Variants in SLC6A8 observed in about 807,000 individuals in gnomAD.
The protein encoded by SLC6A8 is solute carrier family 6 member 8, also known as sodium- and chloride-dependent creatine transporter 1.
SLC6A8 carries 6 observed loss-of-function variants against 48.3 expected under a neutral mutation model. The ratio of observed to expected loss-of-function variants is 0.12; its 90% CI spans 0.07 to 0.25. SLC6A8 has a LOEUF of 0.25. Ranked by LOEUF, SLC6A8 falls within the 10% of genes least tolerant of loss-of-function variation. The pLI is 1.00. For missense variants in SLC6A8, 260 were observed against 551.5 expected, an observed-to-expected ratio of 0.47 and a Z score of 5.29; for synonymous variants, 245 against 244.0, an observed-to-expected ratio of 1.00 and a Z score of -0.04.
At chrX:153,689,683 G>T in intron 1 of SLC6A8, 1 of 248,451 alleles carries the variant, frequency 4.0e-6, no homozygotes, top group Non-Finnish European at 5.7e-6. Flanking sequence ...GGAGAAGGGG[G>T]TAGTGGCACC....
intron 2 of SLC6A8, 80 bp downstream of exon 2, chrX:153,690,586 A>G: frequency 9.5e-7 from 1 of 1,050,026 alleles, no homozygotes; most frequent in Non-Finnish European, 1.3e-6. Context: ...TCCTGTCGTG[A>G]GCACCAGGCC....
At chrX:153,690,110 G>A (rs1209254844) in intron 1 of SLC6A8, among the ~76,000 whole-genome samples, 4 of 113,110 alleles carry the variant, frequency 3.5e-5, no homozygotes, top group African/African-American at 9.6e-5. Context: ...CCAAGTGACC[G>A]TGGGGGTGGA....
At position 153,690,405 on chromosome X, in the gene SLC6A8, C is replaced by T; in HGVS notation, c.293C>T (p.Ala98Val). 2 of 1,200,778 alleles carry T rather than the reference C, an allele frequency of 1.7e-6. No homozygotes were observed. Among genetic ancestry groups the T allele is most frequent in the Non-Finnish European group, 2.2e-6 (2 of 889,257 alleles). Residue 98 changes from alanine (A) to valine (V), a missense_variant, in exon 2 of 13, where the codon GCC becomes GTC. This residue lies in a region of SLC6A8 where 24 missense variants were observed against 52.0 expected (regional missense o/e 0.46). Transcript: ENST00000253122. ...TTCCTTATTCCCTACGTCCTGATCG[C>T]CCTGGTTGGAGGAATCCCCATTTTC... ...GVFLIPYVLI[A>V]LVGGIPIFFL...
At chrX:153,690,276 G>C in intron 1 of SLC6A8, 99 bp from the exon 2 acceptor site, 3 of 947,447 alleles carry the variant, frequency 3.2e-6, no homozygotes, top group Non-Finnish European at 4.4e-6. Context: ...TCACCCAGTC[G>C]GAAGTTGTGA....
At position 153,691,447 on chromosome X, in the gene SLC6A8, G is replaced by A; in HGVS notation, c.538G>A (p.Asp180Asn). ...ATGTGGCCACACCTGGAACACTCCC[G>A]ACTGCGTGGAGATCTTCCGCCATGA... ...ATCGHTWNTP[D>N]CVEIFRHEDC... Residue 180 changes from aspartate to asparagine, a missense_variant, in exon 3 of 13, where the codon GAC becomes AAC. This residue lies in a region of SLC6A8 where 75 missense variants were observed against 248.8 expected (regional missense o/e 0.30). Transcript: ENST00000253122. The A allele has an allele frequency of 1.7e-6, 2 of 1,211,824 alleles. No individual in the cohort carries two copies. The highest frequency in any genetic ancestry group is 1.7e-5 in the African/African-American group (1 of 57,984).
Position 153,696,497 on chromosome X carries a change from G to C in SLC6A8, c.*1283G>C, listed in dbSNP as rs2091493221. 2 of 329,947 alleles carry C rather than the reference G, an allele frequency of 6.1e-6. No homozygotes were observed. Among genetic ancestry groups the C allele is most frequent in the Admixed American group, 3.1e-5 (1 of 32,127 alleles). 27.2% of individuals were successfully genotyped at this position (329,947 alleles called of 1,213,427 possible). A position where few individuals can be genotyped will look rare whatever the true frequency, so the allele number is the denominator to read the frequency against. ...ACACCCAGACAGAGGCTGCAGGGCT[G>C]GGGCTGGGTGAGGGTGGCGGGCCTG... On this transcript the variant is annotated 3_prime_UTR_variant, in exon 13 of 13. Transcript: ENST00000253122.
At chrX:153,690,893 C>CT (rs1230052286) in intron 2 of SLC6A8, 2 of 74,502 alleles carry the variant, frequency 2.7e-5, no homozygotes, top group African/African-American at 3.8e-4. Flanking sequence ...CGACTAGAAA[C>CT]CCCCCCCCCC....
chrX:153,694,516 G>A lies in SLC6A8; in HGVS notation c.1496-17G>A, dbSNP rs375265267. On this transcript the variant is annotated splice_polypyrimidine_tract_variant and intron_variant, in intron 10 of 12. Coordinates refer to ENST00000253122, the MANE Select transcript of SLC6A8 (RefSeq NM_005629.4). ...GGCAGGTCTCCAGCTTGGCCCTCCC[G>A]CCTCACCTCGCCGCAGGAGCTGACC... is the stretch of plus-strand genomic sequence containing the variant. 123 of 1,200,706 alleles carry A rather than the reference G, an allele frequency of 1.0e-4. No homozygotes were observed. Among genetic ancestry groups the A allele is most frequent in the Non-Finnish European group, 1.3e-4 (116 of 887,234 alleles).
chrX:153,695,009 G>A, intron 12 of SLC6A8, 65 bp from the exon 13 acceptor site: 1 of 1,161,271 alleles, frequency 8.6e-7, no homozygotes, highest in Middle Eastern at 2.9e-4. Flanking sequence ...GAGAGAGGCA[G>A]AGGAAGTCAC....
chrX:153,692,998 G>T, intron 4 of SLC6A8, 43 bp from the exon 5 acceptor site: 3 of 1,208,012 alleles, frequency 2.5e-6, no homozygotes, highest in Non-Finnish European at 2.2e-6. Context: ...GGGGTGTGAG[G>T]GAGGTGGTGC....
At chrX:153,690,162 G>T (rs1557044131) in intron 1 of SLC6A8, among the ~76,000 whole-genome samples, 1 of 112,742 alleles carries the variant, frequency 8.9e-6, no homozygotes, top group Admixed American at 9.3e-5. Flanking sequence ...CAGGGAATAG[G>T]GCTCCAATGG....
Position 153,693,888 on chromosome X carries a change from C to T in SLC6A8, c.1142-17C>T. ...GGACATCGGCTACAAGGTCTAGAGC[C>T]TGCACCTTTCCCACAGGGCCGGGCC... On this transcript the variant is annotated splice_polypyrimidine_tract_variant and intron_variant, in intron 7 of 12. Transcript: ENST00000253122. 8.9e-7 allele frequency: 1 copy of T among 1,127,472 alleles called. No individual in the cohort carries two copies. The highest frequency in any genetic ancestry group is 1.2e-6 in the Non-Finnish European group (1 of 837,570). 92.9% of individuals were successfully genotyped at this position (1,127,472 alleles called of 1,213,427 possible).
chrX:153,694,224 G>A lies in SLC6A8; in HGVS notation c.1349G>A (p.Cys450Tyr). The A allele has an allele frequency of 8.3e-7, 1 of 1,211,511 alleles. No individual in the cohort carries two copies. Among genetic ancestry groups the A allele is most frequent in the Non-Finnish European group, 1.1e-6 (1 of 895,215 alleles). ...RFQREISVAL[C>Y]CALCFVIDLS... Reference sequence around the variant, plus strand: ...CAAAGGGAGATCTCTGTGGCCCTCTGTTGTGCCCTCTGCTTTGTCATCGAT... The same window carrying A: ...CAAAGGGAGATCTCTGTGGCCCTCTATTGTGCCCTCTGCTTTGTCATCGAT... Residue 450 changes from cysteine to tyrosine, a missense_variant, in exon 9 of 13, where the codon TGT (cysteine) becomes TAT (tyrosine). Cys to Tyr is a radical substitution (Grantham distance 194, BLOSUM62 -2). Coordinates refer to ENST00000253122, the MANE Select transcript of SLC6A8 (RefSeq NM_005629.4).
rs782703394 is a variant in SLC6A8 at position 153,694,607 on chromosome X, T to A, written c.1570T>A (p.Ser524Thr). The change falls in exon 11 of 13, where the codon TCC becomes ACC. Residue 524 changes from serine (S) to threonine (T), a missense_variant. Transcript: ENST00000253122. ...TTGCCCCTGGATGAAATGGTGCTGG[T>A]CCTTCTTCACCCCGCTGGTCTGCAT... Reference protein sequence around the residue: ...RPCPWMKWCWSFFTPLVCMGI... With the variant: ...RPCPWMKWCWTFFTPLVCMGI... 156 of 1,156,524 alleles carry A rather than the reference T, an allele frequency of 1.3e-4. No homozygotes were observed. The highest frequency in any genetic ancestry group is 1.7e-4 in the Non-Finnish European group (150 of 863,464).
At position 153,688,690 on chromosome X, in the gene SLC6A8, G is replaced by C. The variant is rs781997638; in HGVS notation, c.116G>C (p.Gly39Ala). Reference protein sequence around the residue: ...GAPAKGDGPVGLGTPGGRLAV... With the variant: ...GAPAKGDGPVALGTPGGRLAV... ...CCGGCCAAGGGCGACGGCCCCGTGGGCCTGGGGACACCCGGCGGCCGCCTG... is the reference window on the plus strand; with the variant it reads ...CCGGCCAAGGGCGACGGCCCCGTGGCCCTGGGGACACCCGGCGGCCGCCTG... Residue 39 changes from glycine to alanine, a missense_variant, in exon 1 of 13, where the codon GGC becomes GCC. Physicochemically the swap from Gly to Ala is moderately conservative, Grantham distance 60. Transcript: ENST00000253122. 3.6e-6 allele frequency: 4 copies of C among 1,112,879 alleles called. No homozygotes were observed. In the African/African-American group the frequency reaches 7.7e-5, roughly 21 times the overall value. 91.7% of individuals were successfully genotyped at this position (1,112,879 alleles called of 1,213,427 possible). A position where few individuals can be genotyped will look rare whatever the true frequency, so the allele number is the denominator to read the frequency against.
rs2091433602 is a variant in SLC6A8 at position 153,688,342 on chromosome X, A to C, written c.-233A>C. The C allele has an allele frequency of 1.1e-5, 1 of 89,240 alleles. No homozygotes were observed. The allele number at this position is 89,240 out of a possible 1,213,427, so 7.4% of individuals were successfully genotyped here. A position where few individuals can be genotyped will look rare whatever the true frequency, so the allele number is the denominator to read the frequency against. ...GCGCGCCCCCGGGCCCCCGACACACATGAGATTCTTCAGGCTCACTTTCAA... is the reference window on the plus strand; with the variant it reads ...GCGCGCCCCCGGGCCCCCGACACACCTGAGATTCTTCAGGCTCACTTTCAA... On this transcript the variant is annotated 5_prime_UTR_variant, in exon 1 of 13. The change abolishes an upstream ATG in the 5' untranslated region. Transcript: ENST00000253122.
At chrX:153,691,919 C>T in intron 3 of SLC6A8, 56 bp from the exon 4 acceptor site, 5 of 1,131,760 alleles carry the variant, frequency 4.4e-6, no homozygotes, top group Non-Finnish European at 6.0e-6. Flanking sequence ...GGGGTGGACC[C>T]TGTGGCTCCA....
chrX:153,694,666 G>GGCGAGGCAGGGCGGGGT, intron 11 of SLC6A8, 33 bp downstream of exon 11: 9 of 1,195,373 alleles, frequency 7.5e-6, no homozygotes, highest in Non-Finnish European at 1.0e-5. Context: ...CAGGGCGGGG[G>GGCGAGGCAGGGCGGGGT]GCGAGGCAGG....
At chrX:153,690,253 C>G in intron 1 of SLC6A8, 122 bp from the exon 2 acceptor site, 1 of 764,914 alleles carries the variant, frequency 1.3e-6, no homozygotes, top group Non-Finnish European at 1.9e-6. Context: ...TCAGTGGCCA[C>G]CCCTACACTG....
Sources: gnomAD v4.1 joint callset for allele counts (sites outside exome capture counted in the v4.1 genomes callset) on GRCh38, gnomAD v4.1.1 for gene constraint, gnomAD v4.1.1 regional missense constraint, MANE v1.5 for transcripts, NCBI Gene and HGNC (gene_info 2026-07-23, HGNC 2026-07-21) for gene names.